GMDS: variants seen among roughly 807,000 people sequenced by gnomAD.
The protein encoded by GMDS is GDP-mannose 4,6-dehydratase, also known as GDP-mannose 4,6 dehydratase.
GMDS carries 20 observed loss-of-function variants against 49.9 expected under a neutral mutation model. The ratio of observed to expected loss-of-function variants is 0.40; its 90% CI spans 0.28 to 0.58. The LOEUF (loss-of-function observed/expected upper bound fraction) is 0.58, where lower values mean the gene tolerates loss of function less well. Ranked by LOEUF, GMDS falls within the 20% of genes least tolerant of loss-of-function variation. GMDS has a pLI of 0.42. For synonymous variants in GMDS, 177 were observed against 178.6 expected, an observed-to-expected ratio of 0.99 and a Z score of 0.07; for missense variants, 362 against 481.4, an observed-to-expected ratio of 0.75 and a Z score of 2.32.
chr6:2,073,900 T>C (rs1337374282), intron 4 of GMDS, among the ~76,000 whole-genome samples: 2 of 152,226 alleles, frequency 1.3e-5, no homozygotes, highest in African/African-American at 2.4e-5. Context: ...ATTTTCTTTA[T>C]ACATTTGTCC....
intron 7 of GMDS, among the ~76,000 whole-genome samples, chr6:1,826,325 C>T (rs1020563698): frequency 6.6e-6 from 1 of 152,276 alleles, no homozygotes; most frequent in African/African-American, 2.4e-5. Flanking sequence ...CTGACCGAAA[C>T]GTCATTATGT....
In GMDS at chr6:1,738,792, C is replaced by G. The variant is rs536215463; in HGVS notation, c.890+3676G>C. 1.2e-4 allele frequency among the ~76,000 whole-genome samples: 18 copies of G among 152,130 alleles called. No homozygotes were observed. The East Asian group carries it at 3.5e-3, about 29-fold the overall frequency. ...CGCTGATTCTAAGACTCAAATCAAT[C>G]GCTCCTCTCCCTCTCCATGTTCTCG... On this transcript the variant is annotated intron_variant, in intron 8 of 10. Coordinates refer to ENST00000380815, the MANE Select transcript of GMDS (RefSeq NM_001500.4).
At chr6:2,233,437 C>T (rs532869572) in intron 1 of GMDS, among the ~76,000 whole-genome samples, 15 of 152,352 alleles carry the variant, frequency 9.8e-5, no homozygotes, top group African/African-American at 3.4e-4. Flanking sequence ...TTCAAAGCCA[C>T]ATGGTCTCTG....
At chr6:2,199,537 C>T (rs931520897) in intron 1 of GMDS, among the ~76,000 whole-genome samples, 4 of 152,172 alleles carry the variant, frequency 2.6e-5, no homozygotes, top group Admixed American at 2.6e-4. Context: ...CCTAAATGTA[C>T]TGCCACTTTC....
At chr6:1,735,131 G>A (rs1766958607) in intron 8 of GMDS, among the ~76,000 whole-genome samples, 1 of 152,220 alleles carries the variant, frequency 6.6e-6, no homozygotes. Flanking sequence ...GGGCCACAGT[G>A]AGTAGGTGTG....
intron 4 of GMDS, among the ~76,000 whole-genome samples, chr6:2,007,226 G>A (rs75971489): frequency 2.0e-3 from 309 of 152,256 alleles, no homozygotes; most frequent in African/African-American, 7.3e-3. Flanking sequence ...AACTTTAGGA[G>A]CTGTGTGTGT....
chr6:1,686,262 T>C (rs1032802676), intron 9 of GMDS, among the ~76,000 whole-genome samples: 2 of 152,226 alleles, frequency 1.3e-5, no homozygotes, highest in African/African-American at 4.8e-5. Context: ...GTTGGTGTTA[T>C]GACTTGTCTG....
At chr6:2,226,187 T>C (rs1007640805) in intron 1 of GMDS, among the ~76,000 whole-genome samples, 3 of 152,200 alleles carry the variant, frequency 2.0e-5, no homozygotes, top group African/African-American at 7.2e-5. Flanking sequence ...TCACCAACAA[T>C]ATACTTTAAT....
chr6:1,743,925 AC>A (rs1264668342), intron 7 of GMDS, among the ~76,000 whole-genome samples: 5 of 152,320 alleles, frequency 3.3e-5, no homozygotes, highest in Admixed American at 2.6e-4. Context: ...CTTAATTATA[AC>A]ACAGCCTCCA....
At chr6:1,714,724 C>T (rs1426660691) in intron 9 of GMDS, among the ~76,000 whole-genome samples, 1 of 152,248 alleles carries the variant, frequency 6.6e-6, no homozygotes, top group Non-Finnish European at 1.5e-5. Context: ...GGCAATGCCT[C>T]CAGTTGGCAG....
intron 7 of GMDS, among the ~76,000 whole-genome samples, chr6:1,873,807 C>G (rs1486814713): frequency 6.6e-6 from 1 of 152,186 alleles, no homozygotes; most frequent in Non-Finnish European, 1.5e-5. Flanking sequence ...ACACAACACC[C>G]TACCCTGTTT....
chr6:1,918,432 G>T (rs1761523039), intron 7 of GMDS, among the ~76,000 whole-genome samples: 1 of 152,024 alleles, frequency 6.6e-6, no homozygotes, highest in Non-Finnish European at 1.5e-5. Flanking sequence ...TTTTCTATCT[G>T]CTCAGATATT....
intron 1 of GMDS, among the ~76,000 whole-genome samples, chr6:2,204,579 A>G (rs1180331942): frequency 6.6e-6 from 1 of 152,244 alleles, no homozygotes; most frequent in Admixed American, 6.5e-5. Context: ...TTAAAATGAA[A>G]TAAAATTAGA....
At chr6:1,951,303 C>T (rs1012492798) in intron 6 of GMDS, among the ~76,000 whole-genome samples, 1 of 152,104 alleles carries the variant, frequency 6.6e-6, no homozygotes, top group Non-Finnish European at 1.5e-5. Context: ...AAAAAATGCT[C>T]AAGACGAAAA....
At chr6:2,050,836 T>C (rs1051975315) in intron 4 of GMDS, among the ~76,000 whole-genome samples, 4 of 152,080 alleles carry the variant, frequency 2.6e-5, no homozygotes, top group Non-Finnish European at 5.9e-5. Context: ...CATCCCTTCA[T>C]CCTAAAAACT....
chr6:1,706,119 A>G (rs1197081530), intron 9 of GMDS, among the ~76,000 whole-genome samples: 1 of 152,236 alleles, frequency 6.6e-6, no homozygotes, highest in African/African-American at 2.4e-5. Context: ...GGGGCAATGA[A>G]TGAAGTGAAC....
rs560295251 is a variant in GMDS at position 2,135,036 on chromosome 6, T to A, written c.103-10305A>T. On this transcript the variant is annotated intron_variant, in intron 1 of 10. Transcript: ENST00000380815. Reference sequence around the variant, plus strand: ...AGCATAAATCCCTTGTTCAAGGTCATAGAGCTAGTTAGAGAACTTGGCAGA... The same window carrying A: ...AGCATAAATCCCTTGTTCAAGGTCAAAGAGCTAGTTAGAGAACTTGGCAGA... Among the ~76,000 whole-genome samples, 4 of 152,330 alleles carry A rather than the reference T, an allele frequency of 2.6e-5. No homozygotes were observed. In the South Asian group the frequency reaches 8.3e-4, roughly 32 times the overall value.
At chr6:2,222,610 AC>A (rs1780643615) in intron 1 of GMDS, among the ~76,000 whole-genome samples, 2 of 152,202 alleles carry the variant, frequency 1.3e-5, no homozygotes, top group African/African-American at 4.8e-5. Flanking sequence ...CCAATTAGGA[AC>A]AAAAAAAGGA....
intron 1 of GMDS, among the ~76,000 whole-genome samples, chr6:2,168,819 T>A (rs1296496482): frequency 6.6e-6 from 1 of 152,218 alleles, no homozygotes; most frequent in Non-Finnish European, 1.5e-5. Flanking sequence ...GAACTCCACT[T>A]CTGAATATTT....
Sources: gnomAD v4.1 joint callset for allele counts (sites outside exome capture counted in the v4.1 genomes callset) on GRCh38, gnomAD v4.1.1 for gene constraint, MANE v1.5 for transcripts, NCBI Gene and HGNC (gene_info 2026-07-23, HGNC 2026-07-21) for gene names.